Variants in PTGIS observed in about 807,000 individuals in gnomAD.
The protein encoded by PTGIS is prostaglandin I2 synthase.
Under a neutral mutation model 50.3 loss-of-function variants are expected in PTGIS, and 45 were observed. That is an observed-to-expected ratio of 0.90 (90% confidence interval 0.70 to 1.15). The LOEUF is 1.15. Among genes scored for constraint, PTGIS ranks in the 50% most tolerant of loss-of-function variants. PTGIS has a pLI of 0.00. For synonymous variants in PTGIS, 260 were observed against 267.7 expected (o/e 0.97, Z 0.28); for missense variants, 668 against 661.3 (o/e 1.01, Z -0.11).
chr20:49,507,512 C>G lies in PTGIS; in HGVS notation c.*408G>C, dbSNP rs1981185879. On this transcript the variant is annotated 3_prime_UTR_variant, in exon 10 of 10. Transcript: ENST00000244043. ...TCCTGAGTGGCCTTTCTGTGGCCAG[C>G]ATCCGCTTTGACTGGATAAGGCCCG... 1 of 316,768 alleles carries G rather than the reference C, an allele frequency of 3.2e-6. No homozygotes were observed. The highest frequency in any genetic ancestry group is 6.1e-6 in the Non-Finnish European group (1 of 163,392). 19.6% of individuals were successfully genotyped at this position (316,768 alleles called of 1,614,324 possible).
chr20:49,514,545 G>C (rs1981424541), intron 6 of PTGIS, 150 bp from the exon 7 acceptor site: 1 of 1,024,288 alleles, frequency 9.8e-7, no homozygotes, highest in African/African-American at 1.6e-5. Flanking sequence ...TCTATCTCCA[G>C]CCTCAGGACA....
intron 6 of PTGIS, among the ~76,000 whole-genome samples, chr20:49,521,394 T>C (rs1401604842): frequency 6.6e-6 from 1 of 152,182 alleles, no homozygotes; most frequent in African/African-American, 2.4e-5. Flanking sequence ...CCTGCCTGAA[T>C]TCTGGACGCT....
chr20:49,551,608 C>T (rs1447171879), intron 1 of PTGIS, among the ~76,000 whole-genome samples: 1 of 152,184 alleles, frequency 6.6e-6, no homozygotes, highest in East Asian at 1.9e-4. Flanking sequence ...CCGAGCTGTG[C>T]CTTGACCACG....
rs1981133485 is a variant in PTGIS at position 49,505,687 on chromosome 20, G to A, written c.*2233C>T. On this transcript the variant is annotated 3_prime_UTR_variant, in exon 10 of 10. Transcript: ENST00000244043. ...CCCAGCCACGATGAGGCAGCTGAGGGTTGCCACGGAAACCGGCTCTGTCCT... is the reference window on the plus strand; with the variant it reads ...CCCAGCCACGATGAGGCAGCTGAGGATTGCCACGGAAACCGGCTCTGTCCT... 6.5e-6 allele frequency: 1 copy of A among 152,710 alleles called. No homozygotes were observed. The highest frequency in any genetic ancestry group is 2.4e-5 in the African/African-American group (1 of 41,450). 9.5% of individuals were successfully genotyped at this position (152,710 alleles called of 1,614,324 possible).
Position 49,524,070 on chromosome 20 carries a change from C to T in PTGIS, c.843G>A (p.Leu281=), listed in dbSNP as rs536359151. ...EMQARALVLQ[L]WATQGNMGPA... ...CATTCACACCCACCTGTGTGGCCCACAGCTGCAGCACCAGGGCCCGTGCCT... is the reference window on the plus strand; with the variant it reads ...CATTCACACCCACCTGTGTGGCCCATAGCTGCAGCACCAGGGCCCGTGCCT... The change falls in exon 6 of 10, where the codon CTG becomes CTA. Residue 281 remains leucine (L), a synonymous_variant. Transcript: ENST00000244043. 112 of 1,614,248 alleles carry T rather than the reference C, an allele frequency of 6.9e-5. 1 individual carries two copies. The South Asian group carries it at 8.7e-4, about 13-fold the overall frequency.
Position 49,514,357 on chromosome 20 carries a change from G to A in PTGIS, c.894C>T (p.Phe298=), listed in dbSNP as rs147534709. ...MGPAAFWLLL[F]LLKNPEALAA... is the part of the protein sequence containing the mutation. ...CCAGGGCTTCAGGATTCTTGAGAAGGAAGAGCAGGAGCCAGAAGGCAGCGG... is the reference window on the plus strand; with the variant it reads ...CCAGGGCTTCAGGATTCTTGAGAAGAAAGAGCAGGAGCCAGAAGGCAGCGG... Residue 298 remains phenylalanine, a synonymous_variant, in exon 7 of 10, where the codon TTC becomes TTT. Transcript: ENST00000244043. 9.8e-5 allele frequency: 158 copies of A among 1,614,074 alleles called. No individual in the cohort carries two copies. In the African/African-American group the frequency reaches 2.0e-3, roughly 21 times the overall value.
intron 5 of PTGIS, among the ~76,000 whole-genome samples, chr20:49,527,354 G>A (rs1465206776): frequency 6.6e-6 from 1 of 152,066 alleles, no homozygotes; most frequent in East Asian, 1.9e-4. Flanking sequence ...CTACTCAGGA[G>A]GCTGAGGCAC....
intron 5 of PTGIS, among the ~76,000 whole-genome samples, chr20:49,529,851 AT>A (rs924014788): frequency 6.6e-6 from 1 of 152,136 alleles, no homozygotes; most frequent in African/African-American, 2.4e-5. Context: ...ACTGTGCCTC[AT>A]TTATAAATTA....
Position 49,513,375 on chromosome 20 carries a change from C to T in PTGIS, c.1025-114G>A, listed in dbSNP as rs940393592. The T allele has an allele frequency of 1.8e-5, 22 of 1,198,990 alleles. No homozygotes were observed. In the African/African-American group the frequency reaches 3.2e-4, roughly 17 times the overall value. 74.3% of individuals were successfully genotyped at this position (1,198,990 alleles called of 1,614,324 possible). A position where few individuals can be genotyped will look rare whatever the true frequency, so the allele number is the denominator to read the frequency against. On this transcript the variant is annotated intron_variant, in intron 7 of 9. Coordinates refer to ENST00000244043, the MANE Select transcript of PTGIS (RefSeq NM_000961.4). Reference sequence around the variant, plus strand: ...TGAAGAGGCTCAGAGAGGGTGCCTGCCTCGCCCACACAGTCACATAGCAAG... The same window carrying T: ...TGAAGAGGCTCAGAGAGGGTGCCTGTCTCGCCCACACAGTCACATAGCAAG...
At chr20:49,541,706 C>A (rs1363726554) in intron 4 of PTGIS, among the ~76,000 whole-genome samples, 1 of 151,894 alleles carries the variant, frequency 6.6e-6, no homozygotes, top group African/African-American at 2.4e-5. Context: ...TGCACTCCAG[C>A]CTGGGCGAAA....
chr20:49,544,523 A>C, intron 3 of PTGIS, 75 bp from the exon 4 acceptor site: 1 of 1,556,486 alleles, frequency 6.4e-7, no homozygotes, highest in Non-Finnish European at 8.8e-7. Context: ...TCCCTCCCCA[A>C]ACCTAAGGGT....
At chr20:49,511,302 G>T in intron 8 of PTGIS, 123 bp from the exon 9 acceptor site, 2 of 1,124,416 alleles carry the variant, frequency 1.8e-6, no homozygotes, top group Non-Finnish European at 1.3e-6. Flanking sequence ...ACCATATACA[G>T]GTCAATTGAT....
At chr20:49,547,729 C>T in intron 3 of PTGIS, 112 bp downstream of exon 3, 1 of 1,271,192 alleles carries the variant, frequency 7.9e-7, no homozygotes, top group Non-Finnish European at 1.1e-6. Flanking sequence ...GTTCTCAAGA[C>T]AAAATGTCTT....
chr20:49,514,365 G>C lies in PTGIS; in HGVS notation c.886C>G (p.Leu296Val). ...GNMGPAAFWL[L>V]LFLLKNPEAL... is the part of the protein sequence containing the mutation. The stretch of plus-strand genomic sequence containing the variant: ...TCAGGATTCTTGAGAAGGAAGAGCA[G>C]GAGCCAGAAGGCAGCGGGACCCATA... Residue 296 changes from leucine to valine, a missense_variant, in exon 7 of 10, where the codon CTG (leucine) becomes GTG (valine). By Grantham distance (32) the Leu-to-Val change is conservative. Transcript: ENST00000244043. The C allele has an allele frequency of 6.2e-7, 1 of 1,614,024 alleles. No homozygotes were observed. The highest frequency in any genetic ancestry group is 1.3e-5 in the African/African-American group (1 of 75,064).
chr20:49,537,384 A>C (rs1234507009), intron 5 of PTGIS, among the ~76,000 whole-genome samples: 1 of 152,218 alleles, frequency 6.6e-6, no homozygotes, highest in African/African-American at 2.4e-5. Context: ...TCGATGTGGA[A>C]ATGCTGTAGA....
intron 1 of PTGIS, 27 bp downstream of exon 1, chr20:49,568,016 C>A (rs1982949963): frequency 6.8e-7 from 1 of 1,469,822 alleles, no homozygotes; most frequent in Non-Finnish European, 9.0e-7. Flanking sequence ...CTTTGTCTGG[C>A]GGGGCCGAGC....
chr20:49,542,796 G>T (rs969084037), intron 4 of PTGIS, among the ~76,000 whole-genome samples: 2 of 152,182 alleles, frequency 1.3e-5, no homozygotes, highest in African/African-American at 4.8e-5. Context: ...GGCTGAGAGT[G>T]CAGACTCTGG....
intron 5 of PTGIS, among the ~76,000 whole-genome samples, chr20:49,533,990 A>T (rs780298297): frequency 1.3e-4 from 19 of 150,596 alleles, no homozygotes; most frequent in Admixed American, 2.0e-4. Flanking sequence ...TATATATATA[A>T]AATGTATGTA....
At chr20:49,524,629 A>T (rs543762770) in intron 5 of PTGIS, among the ~76,000 whole-genome samples, 46 of 152,206 alleles carry the variant, frequency 3.0e-4, no homozygotes, top group East Asian at 9.7e-4. Context: ...TTTATTTTTT[A>T]AAAAATAGGT....
Sources: allele counts gnomAD v4.1 joint callset (sites outside exome capture counted in the v4.1 genomes callset), GRCh38; gene constraint gnomAD v4.1.1; transcripts MANE v1.5; gene names NCBI Gene and HGNC (gene_info 2026-07-23, HGNC 2026-07-21).